SFTPD: variants seen among roughly 807,000 people sequenced by gnomAD.
SFTPD encodes the protein pulmonary surfactant-associated protein D.
Under a neutral mutation model 34.6 loss-of-function variants are expected in SFTPD, and 18 were observed. The ratio of observed to expected loss-of-function variants is 0.52; its 90% CI spans 0.36 to 0.77. The LOEUF is 0.77. SFTPD is among the 30% of genes least tolerant of loss of function. The pLI is 0.00. For synonymous variants in SFTPD, 155 were observed against 180.9 expected (o/e 0.86, Z 1.15); for missense variants, 433 against 468.9 (o/e 0.92, Z 0.71).
chr10:79,971,217 T>C (rs528366441), intron 1 of SFTPD: 28 of 152,296 alleles, frequency 1.8e-4, no homozygotes, highest in Non-Finnish European at 4.0e-4. Context: ...CCCAATTGAT[T>C]ATGGTGAATG....
chr10:79,948,661 A>C (rs1237581596), intron 1 of SFTPD, among the ~76,000 whole-genome samples: 1 of 152,172 alleles, frequency 6.6e-6, no homozygotes, highest in African/African-American at 2.4e-5. Context: ...TGGCACCAGG[A>C]TGGGTTTAGA....
Position 79,938,117 on chromosome 10 carries a change from A to G in SFTPD, c.863T>C (p.Leu288Ser), listed in dbSNP as rs1410543571. 1.9e-6 allele frequency: 3 copies of G among 1,614,156 alleles called. No individual in the cohort carries two copies. Among genetic ancestry groups the G allele is most frequent in the Non-Finnish European group, 2.5e-6 (3 of 1,179,972 alleles). Reference protein sequence around the residue: ...QLLCTQAGGQLASPRSAAENA... With the variant: ...QLLCTQAGGQSASPRSAAENA... ...CTCAGCGGCAGAGCGTGGAGAGGCC[A>G]ACTGTCCACCAGCCTGTGTGCACAG... The change falls in exon 8 of 8, where the codon TTG (leucine) becomes TCG (serine). Residue 288 changes from leucine (L) to serine (S), a missense_variant. Physicochemically the swap from Leu to Ser is moderately radical, Grantham distance 145. Transcript: ENST00000372292.
intron 1 of SFTPD, among the ~76,000 whole-genome samples, chr10:79,976,921 A>C (rs370745275): frequency 5.3e-5 from 8 of 152,270 alleles, no homozygotes; most frequent in African/African-American, 1.9e-4. Context: ...AAGTCTCATG[A>C]GATCTGGTGG....
rs910412454 is a variant in SFTPD, at chr10:79,940,625, G to A, written c.751+80C>T. 59 of 937,686 alleles carry A rather than the reference G, an allele frequency of 6.3e-5. No homozygotes were observed. The South Asian group carries it at 8.0e-4, about 13-fold the overall frequency. 58.1% of individuals were successfully genotyped at this position (937,686 alleles called of 1,614,324 possible). On this transcript the variant is annotated intron_variant, in intron 7 of 7. Coordinates refer to ENST00000372292, the MANE Select transcript of SFTPD (RefSeq NM_003019.5). ...AGGTCCAGCCAAAGGTCTAGCCCCA[G>A]CCAAAGGCCAAACCAAGGTCAAGAT...
At chr10:79,955,358 A>C (rs1271968824) in intron 1 of SFTPD, among the ~76,000 whole-genome samples, 1 of 152,190 alleles carries the variant, frequency 6.6e-6, no homozygotes, top group African/African-American at 2.4e-5. Flanking sequence ...TGTTTTGAAG[A>C]GTAAGGTTTT....
chr10:79,944,717 G>C (rs1842648445), intron 2 of SFTPD, among the ~76,000 whole-genome samples: 1 of 152,120 alleles, frequency 6.6e-6, no homozygotes, highest in Non-Finnish European at 1.5e-5. Flanking sequence ...TTGCTGAGCA[G>C]GAATGCTGAA....
intron 6 of SFTPD, 25 bp downstream of exon 6, chr10:79,941,373 C>T (rs17882375): frequency 0.039 from 61,955 of 1,601,658 alleles, 1,368 homozygotes; most frequent in Non-Finnish European, 0.044. Flanking sequence ...GCGGGGCTTC[C>T]CTGGGCCAGG....
intron 2 of SFTPD, among the ~76,000 whole-genome samples, chr10:79,944,420 AG>A (rs1364205590): frequency 6.6e-6 from 1 of 152,156 alleles, no homozygotes; most frequent in African/African-American, 2.4e-5. Context: ...TGCCTCACTG[AG>A]AAGGTGATCC....
intron 1 of SFTPD, among the ~76,000 whole-genome samples, chr10:79,958,127 C>T (rs999253653): frequency 3.3e-5 from 5 of 152,138 alleles, no homozygotes; most frequent in Admixed American, 1.3e-4. Context: ...ACCAGGCCTG[C>T]CCTAAAAGAG....
chr10:79,952,009 C>G (rs919456130), upstream of SFTPD, among the ~76,000 whole-genome samples: 2 of 152,208 alleles, frequency 1.3e-5, no homozygotes, highest in Non-Finnish European at 2.9e-5. Flanking sequence ...CTAAAACACC[C>G]TTGTCCCGGA....
At chr10:79,942,193 T>A in intron 4 of SFTPD, 123 bp from the exon 5 acceptor site, 1 of 790,878 alleles carries the variant, frequency 1.3e-6, no homozygotes, top group East Asian at 2.5e-5. Context: ...GAGACTCTCC[T>A]TGCTTTCTGG....
intron 2 of SFTPD, among the ~76,000 whole-genome samples, chr10:79,943,822 C>T (rs1436465420): frequency 6.6e-6 from 1 of 152,196 alleles, no homozygotes; most frequent in Non-Finnish European, 1.5e-5. Context: ...CCTCTGACAC[C>T]CAACAGCACA....
Position 79,940,729 on chromosome 10 carries a change from C to A in SFTPD, c.727G>T (p.Ala243Ser). 1 of 1,609,904 alleles carries A rather than the reference C, an allele frequency of 6.2e-7. No individual in the cohort carries two copies. The highest frequency in any genetic ancestry group is 8.5e-7 in the Non-Finnish European group (1 of 1,176,534). Residue 243 changes from alanine (A) to serine (S), a missense_variant, in exon 7 of 8, where the codon GCT becomes TCT. Physicochemically the swap from Ala to Ser is moderately conservative, Grantham distance 99. Coordinates refer to ENST00000372292, the MANE Select transcript of SFTPD (RefSeq NM_003019.5). ...ALQGQVQHLQ[A>S]AFSQYKKVEL... is the part of the protein sequence containing the mutation. The stretch of plus-strand genomic sequence containing the variant: ...CCTTTCTTATACTGAGAGAAAGCAG[C>A]CTGGAGGTGCTGTACTTGTCCCTGT...
At chr10:79,957,673 A>T (rs1329533708) in intron 1 of SFTPD, among the ~76,000 whole-genome samples, 1 of 152,226 alleles carries the variant, frequency 6.6e-6, no homozygotes, top group Non-Finnish European at 1.5e-5. Context: ...TCTATGTCTG[A>T]TTGGTGTACC....
intron 1 of SFTPD, chr10:79,982,287 G>T (rs1589346069): frequency 1.0e-6 from 1 of 1,004,584 alleles, no homozygotes; most frequent in Non-Finnish European, 1.3e-6. Flanking sequence ...ACCGCGGGGC[G>T]GTTCCCGGCT....
chr10:79,977,115 C>T (rs1166575597), intron 1 of SFTPD, among the ~76,000 whole-genome samples: 1 of 152,182 alleles, frequency 6.6e-6, no homozygotes, highest in Non-Finnish European at 1.5e-5. Flanking sequence ...TGAAAACAGA[C>T]TAATACAGTG....
In SFTPD at chr10:79,937,831, G is replaced by A. The variant is rs757894643; in HGVS notation, c.*21C>T. ...TGGCCAAACTCCTGGGCCAAGCACT[G>A]CCCCACCCACCCCAGTTGGCTCAGA... On this transcript the variant is annotated 3_prime_UTR_variant, in exon 8 of 8. Transcript: ENST00000372292. 1.3e-6 allele frequency: 2 copies of A among 1,525,018 alleles called. No individual in the cohort carries two copies. Among genetic ancestry groups the A allele is most frequent in the Non-Finnish European group, 1.8e-6 (2 of 1,133,126 alleles). 94.5% of individuals were successfully genotyped at this position (1,525,018 alleles called of 1,614,324 possible).
At chr10:79,955,163 C>T (rs570734480) in intron 1 of SFTPD, among the ~76,000 whole-genome samples, 1 of 152,288 alleles carries the variant, frequency 6.6e-6, no homozygotes, top group South Asian at 2.1e-4. Flanking sequence ...TCGTAGCCCC[C>T]ACAGCCTGGT....
intron 1 of SFTPD, among the ~76,000 whole-genome samples, chr10:79,958,069 G>C (rs943158747): frequency 3.9e-5 from 6 of 152,160 alleles, no homozygotes; most frequent in African/African-American, 1.4e-4. Context: ...AAGTGAAGGA[G>C]AAATAAAATA....
Sources: gnomAD v4.1 joint callset for allele counts (sites outside exome capture counted in the v4.1 genomes callset) on GRCh38, gnomAD v4.1.1 for gene constraint, MANE v1.5 for transcripts, NCBI Gene and HGNC (gene_info 2026-07-23, HGNC 2026-07-21) for gene names.